The following TRIM7 variants were observed in gnomAD, a reference collection of about 807,000 sequenced individuals.
TRIM7 encodes tripartite motif containing 7.
Under a neutral mutation model 37.9 loss-of-function variants are expected in TRIM7, and 32 were observed. The observed-to-expected ratio is 0.84, with a 90% CI of 0.64 to 1.13. The LOEUF (loss-of-function observed/expected upper bound fraction) is 1.13. Ranked by LOEUF, TRIM7 falls within the 50% of genes most tolerant of loss-of-function variation. TRIM7 has a pLI of 0.00. For missense variants in TRIM7, 732 were observed against 714.0 expected, an observed-to-expected ratio of 1.03 and a Z score of -0.29; for synonymous variants, 351 against 321.3, an observed-to-expected ratio of 1.09 and a Z score of -0.99.
At chr5:181,204,140 TG>T in intron 1 of TRIM7, 1 of 999,966 alleles carries the variant, frequency 1.0e-6, no homozygotes, top group Non-Finnish European at 1.2e-6. Flanking sequence ...CTGGACATCT[TG>T]GCGAGGTCCT....
intron 4 of TRIM7, 64 bp downstream of exon 4, chr5:181,199,031 A>G: frequency 6.2e-7 from 1 of 1,602,170 alleles, no homozygotes. Context: ...GGGAATAAAG[A>G]CAAGGCTCAG....
intron 1 of TRIM7, 111 bp from the exon 2 acceptor site, chr5:181,203,751 G>A (rs1449706814): frequency 1.3e-6 from 2 of 1,491,636 alleles, no homozygotes; most frequent in Non-Finnish European, 1.8e-6. Flanking sequence ...TCACTGAGGG[G>A]GAGGCCGGGT....
intron 6 of TRIM7, chr5:181,197,052 C>G (rs779191226): frequency 1.3e-5 from 2 of 151,406 alleles, no homozygotes; most frequent in Non-Finnish European, 2.9e-5. Flanking sequence ...CCCAGCTACT[C>G]GAGGACGCCC....
At chr5:181,203,771 C>T in intron 1 of TRIM7, 131 bp from the exon 2 acceptor site, 3 of 1,459,478 alleles carry the variant, frequency 2.1e-6, no homozygotes, top group East Asian at 2.4e-5. Context: ...TAGAAGTCAT[C>T]TCTACAGGCT....
Position 181,205,016 on chromosome 5 carries a change from C to A in TRIM7, c.95G>T (p.Cys32Phe). The A allele has an allele frequency of 6.8e-7, 1 of 1,473,914 alleles. No individual in the cohort carries two copies. The highest frequency in any genetic ancestry group is 1.3e-5 in the South Asian group (1 of 77,086). 91.3% of individuals were successfully genotyped at this position (1,473,914 alleles called of 1,614,324 possible). Residue 32 changes from cysteine (C) to phenylalanine (F), a missense_variant, in exon 1 of 7, where the codon TGC becomes TTC. Transcript: ENST00000274773. The stretch of plus-strand genomic sequence containing the variant: ...CACCGGCTCACGAAAGAGCTCTAGG[C>A]AGATGGAGCACGTCGCCTCGCCCTG... ...ELQGEATCSI[C>F]LELFREPVSV...
At chr5:181,195,882 T>G in intron 6 of TRIM7, 4 of 509,564 alleles carry the variant, frequency 7.8e-6, no homozygotes, top group Non-Finnish European at 1.3e-5. Context: ...AACAAGTACT[T>G]ACTGAAATCA....
At chr5:181,199,560 A>C (rs1757346813) in intron 3 of TRIM7, 2 of 512,004 alleles carry the variant, frequency 3.9e-6, no homozygotes, top group African/African-American at 3.8e-5. Context: ...GAAATAGAAT[A>C]GAAAACATCA....
At chr5:181,204,077 G>T (rs1757674706) in intron 1 of TRIM7, 4 of 1,000,670 alleles carry the variant, frequency 4.0e-6, no homozygotes, top group South Asian at 9.0e-5. Flanking sequence ...AATCGACAGC[G>T]TTGGCACAGT....
chr5:181,204,586 C>A lies in TRIM7; in HGVS notation c.522+3G>T. 4.3e-6 allele frequency: 6 copies of A among 1,402,840 alleles called. No homozygotes were observed. The highest frequency in any genetic ancestry group is 5.5e-6 in the Non-Finnish European group (6 of 1,086,022). 86.9% of individuals were successfully genotyped at this position (1,402,840 alleles called of 1,614,324 possible). A position where few individuals can be genotyped will look rare whatever the true frequency, so the allele number is the denominator to read the frequency against. The stretch of plus-strand genomic sequence containing the variant: ...CCACGGGGTGGGTGGGGGCTGCGCT[C>A]ACCTTGGCCTCCTGCACCGCCTCGT... On this transcript the variant is annotated splice_donor_region_variant and intron_variant, in intron 1 of 6. Transcript: ENST00000274773.
intron 2 of TRIM7, 180 bp from the exon 3 acceptor site, chr5:181,200,261 T>C: frequency 6.8e-7 from 1 of 1,469,460 alleles, no homozygotes; most frequent in Non-Finnish European, 9.0e-7. Flanking sequence ...GAACAAGCTG[T>C]AGTCTGGACA....
chr5:181,198,229 G>C lies in TRIM7; in HGVS notation c.989-11C>G. On this transcript the variant is annotated splice_polypyrimidine_tract_variant and intron_variant, in intron 5 of 6. Coordinates refer to ENST00000274773, the MANE Select transcript of TRIM7 (RefSeq NM_203293.3). ...CTCCCCGAAGGTCCTCTGAGGAGGA[G>C]AAACAAAGCAAGGCGTGCATGAGCG... 1 of 1,614,094 alleles carries C rather than the reference G, an allele frequency of 6.2e-7. No homozygotes were observed. The highest frequency in any genetic ancestry group is 8.5e-7 in the Non-Finnish European group (1 of 1,179,974).
chr5:181,200,361 C>G, intron 2 of TRIM7: 2 of 1,405,594 alleles, frequency 1.4e-6, no homozygotes, highest in Non-Finnish European at 1.8e-6. Flanking sequence ...TCATACTCCC[C>G]CCAGAACTAC....
intron 2 of TRIM7, chr5:181,200,467 C>G: frequency 8.6e-7 from 1 of 1,164,010 alleles, no homozygotes; most frequent in Non-Finnish European, 1.1e-6. Flanking sequence ...TTTTCTTCCT[C>G]AAGCACATTT....
chr5:181,199,830 C>A, intron 3 of TRIM7, 21 bp downstream of exon 3: 1 of 1,605,270 alleles, frequency 6.2e-7, no homozygotes, highest in Non-Finnish European at 8.5e-7. Flanking sequence ...TGACTCGAGC[C>A]CCTGGCTGAG....
In TRIM7 at chr5:181,200,006, C is replaced by G; in HGVS notation, c.694G>C (p.Gly232Arg). ...TCCTCCAGGCGGCCTAGCAGCCGACCCTCCTGCTCCACCAGGAAAGCCCTC... is the reference window on the plus strand; with the variant it reads ...TCCTCCAGGCGGCCTAGCAGCCGACGCTCCTGCTCCACCAGGAAAGCCCTC... ...ALRAFLVEQEGRLLGRLEELS... is the reference protein window; with the variant it reads ...ALRAFLVEQERRLLGRLEELS... Residue 232 changes from glycine (G) to arginine (R), a missense_variant, in exon 3 of 7, where the codon GGT becomes CGT. Transcript: ENST00000274773. The G allele has an allele frequency of 1.2e-6, 2 of 1,614,270 alleles. No individual in the cohort carries two copies. The highest frequency in any genetic ancestry group is 1.7e-6 in the Non-Finnish European group (2 of 1,180,050).
rs750602893 is a variant in TRIM7 at position 181,199,866 on chromosome 5, G to T, written c.834C>A (p.Asp278Glu). 1.2e-6 allele frequency: 2 copies of T among 1,613,898 alleles called. No homozygotes were observed. The highest frequency in any genetic ancestry group is 2.2e-5 in the South Asian group (2 of 91,042). ...SQIQETAQKP[D>E]LDFLQEFKST... ...CCAGACTTACCTGGAGAAAGTCAAG[G>T]TCAGGCTTTTGAGCTGTCTCCTGGA... The change falls in exon 3 of 7, where the codon GAC (aspartate) becomes GAA (glutamate). Residue 278 changes from aspartate (D) to glutamate (E), a missense_variant. Asp to Glu is a conservative substitution (Grantham distance 45). Coordinates refer to ENST00000274773, the MANE Select transcript of TRIM7 (RefSeq NM_203293.3).
intron 2 of TRIM7, chr5:181,203,151 C>A (rs1422844377): frequency 1.8e-6 from 1 of 546,612 alleles, no homozygotes; most frequent in Non-Finnish European, 2.4e-6. Context: ...ACAAAACATG[C>A]CATGAGGCTC....
rs1757733486 is a variant in TRIM7 at position 181,204,925 on chromosome 5, C to CGCGCCCGGGCGCTCCCAGCA, written c.166_185dup (p.Gly63AlafsTer126). ...CGCGGGTGGCGGCCCCAACAGACCC[C>CGCGCCCGGGCGCTCCCAGCA]GCGCCCGGGCGCTCCCAGCAGCGCC... is the stretch of plus-strand genomic sequence containing the variant. On this transcript the variant is annotated frameshift_variant, in exon 1 of 7. Coordinates refer to ENST00000274773, the MANE Select transcript of TRIM7 (RefSeq NM_203293.3). LOFTEE classifies it high-confidence loss of function. 1 of 1,403,778 alleles carries CGCGCCCGGGCGCTCCCAGCA rather than the reference C, an allele frequency of 7.1e-7. No individual in the cohort carries two copies. The highest frequency in any genetic ancestry group is 3.0e-5 in the East Asian group (1 of 32,996). 87.0% of individuals were successfully genotyped at this position (1,403,778 alleles called of 1,614,324 possible).
Position 181,195,239 on chromosome 5 carries a change from A to C in TRIM7, c.1463T>G (p.Val488Gly), listed in dbSNP as rs1298909002. Reference sequence around the variant, plus strand: ...CGGGAACACGCGCTCCTGGAAGTTGACGCGGAAGGTGTAGAGGTGGCGCAT... The same window carrying C: ...CGGGAACACGCGCTCCTGGAAGTTGCCGCGGAAGGTGTAGAGGTGGCGCAT... The part of the protein sequence containing the change: ...EDMRHLYTFR[V>G]NFQERVFPLF... Residue 488 changes from valine (V) to glycine (G), a missense_variant, in exon 7 of 7, where the codon GTC becomes GGC. Physicochemically the swap from Val to Gly is moderately radical, Grantham distance 109. Transcript: ENST00000274773. The C allele has an allele frequency of 6.2e-7, 1 of 1,613,120 alleles. No homozygotes were observed. The highest frequency in any genetic ancestry group is 1.3e-5 in the African/African-American group (1 of 75,036).
Sources: allele counts gnomAD v4.1 joint callset, GRCh38; gene constraint gnomAD v4.1.1; transcripts MANE v1.5; gene names NCBI Gene and HGNC (gene_info 2026-07-23, HGNC 2026-07-21).